DIP2C: variants seen among roughly 807,000 people sequenced by gnomAD.
DIP2C encodes disco-interacting protein 2 homolog C.
A neutral mutation model predicts 192.4 loss-of-function variants in DIP2C; 33 were observed. The observed-to-expected ratio is 0.17, with a 90% CI of 0.13 to 0.23. The LOEUF (loss-of-function observed/expected upper bound fraction) is 0.23, where lower values mean the gene tolerates loss of function less well. Ranked by LOEUF, DIP2C falls within the 10% of genes least tolerant of loss-of-function variation. The pLI is 1.00. For missense variants in DIP2C, 1,537 were observed against 2,110.1 expected, an observed-to-expected ratio of 0.73 and a Z score of 5.32; for synonymous variants, 979 against 864.1, an observed-to-expected ratio of 1.13 and a Z score of -2.33.
Position 477,831 on chromosome 10 carries a change from G to A in DIP2C, c.158-5282C>T, listed in dbSNP as rs1294103971. 1.0e-4 allele frequency among the ~76,000 whole-genome samples: 14 copies of A among 134,416 alleles called. No individual in the cohort carries two copies. The East Asian group carries it at 2.1e-3, about 20-fold the overall frequency. 88.2% of individuals were successfully genotyped at this position (134,416 alleles called of 152,430 possible). A position where few individuals can be genotyped will look rare whatever the true frequency, so the allele number is the denominator to read the frequency against. ...AGAGAAGGAAAACAAGAGAGAAGGA[G>A]AAGGGAGAAAGAAAAAAGGAGAAGT... is the stretch of plus-strand genomic sequence containing the variant. On this transcript the variant is annotated intron_variant, in intron 2 of 36. Transcript: ENST00000280886.
intron 32 of DIP2C, among the ~76,000 whole-genome samples, chr10:297,043 A>T (rs1257259141): frequency 1.3e-5 from 2 of 151,976 alleles, no homozygotes; most frequent in African/African-American, 2.4e-5. Context: ...ATAATAATAA[A>T]AAAAAAATTA....
At chr10:582,001 A>C (rs1213295440) in intron 1 of DIP2C, among the ~76,000 whole-genome samples, 1 of 152,046 alleles carries the variant, frequency 6.6e-6, no homozygotes, top group African/African-American at 2.4e-5. Context: ...AGCACCTCCG[A>C]GATCCCTCAC....
chr10:450,842 A>G (rs1286849439), intron 3 of DIP2C, among the ~76,000 whole-genome samples: 1 of 152,226 alleles, frequency 6.6e-6, no homozygotes, highest in Non-Finnish European at 1.5e-5. Context: ...TCTTGTTTCA[A>G]CTGAGGCAAC....
chr10:503,133 C>G (rs146386437), intron 1 of DIP2C, among the ~76,000 whole-genome samples: 1 of 152,080 alleles, frequency 6.6e-6, no homozygotes, highest in African/African-American at 2.4e-5. Context: ...GGACACTGAC[C>G]TGCGGACTTA....
intron 22 of DIP2C, among the ~76,000 whole-genome samples, chr10:362,208 CAGG>C (rs1488287296): frequency 6.6e-6 from 1 of 152,196 alleles, no homozygotes; most frequent in Non-Finnish European, 1.5e-5. Flanking sequence ...CCGTGTCCTT[CAGG>C]AGAATGAGCT....
chr10:275,975 G>T lies in DIP2C; in HGVS notation c.*1350C>A. The stretch of plus-strand genomic sequence containing the variant: ...TTAAGACGAGGGGACGATCACCGAT[G>T]TGAGTTCCGGACACTTTGTCCACTC... On this transcript the variant is annotated 3_prime_UTR_variant, in exon 37 of 37. Transcript: ENST00000280886. The T allele has an allele frequency of 6.6e-6, 1 of 152,386 alleles. No individual in the cohort carries two copies. 9.4% of individuals were successfully genotyped at this position (152,386 alleles called of 1,614,324 possible). A position where few individuals can be genotyped will look rare whatever the true frequency, so the allele number is the denominator to read the frequency against.
intron 1 of DIP2C, among the ~76,000 whole-genome samples, chr10:497,440 T>C (rs546830872): frequency 7.9e-5 from 12 of 152,328 alleles, no homozygotes; most frequent in Middle Eastern, 3.4e-3. Flanking sequence ...CTGTGTCGGC[T>C]GCTTCTCTGT....
intron 31 of DIP2C, among the ~76,000 whole-genome samples, chr10:325,270 C>T (rs1230214780): frequency 6.7e-6 from 1 of 149,158 alleles, no homozygotes; most frequent in Non-Finnish European, 1.5e-5. Context: ...ATCTCAAAAA[C>T]AAACAAACAA....
Position 361,331 on chromosome 10 carries a change from G to A in DIP2C, c.2794+1159C>T, listed in dbSNP as rs1297753861. 2.0e-5 allele frequency among the ~76,000 whole-genome samples: 3 copies of A among 152,188 alleles called. No individual in the cohort carries two copies. The East Asian group carries it at 5.8e-4, about 29-fold the overall frequency. On this transcript the variant is annotated intron_variant, in intron 22 of 36. Coordinates refer to ENST00000280886, the MANE Select transcript of DIP2C (RefSeq NM_014974.3). ...AGGAGGTCACACTCCTGACCGCAGT[G>A]TGAGGTTGCTGGCTCTGTCTCCCCA...
At chr10:353,177 G>A (rs1830145732) in intron 24 of DIP2C, among the ~76,000 whole-genome samples, 1 of 1,942 alleles carries the variant, frequency 5.1e-4, no homozygotes, top group Non-Finnish European at 0.033. Flanking sequence ...GGGGCACACA[G>A]GGAAACACAA....
Position 310,059 on chromosome 10 carries a change from C to T in DIP2C, c.3958G>A (p.Val1320Met), listed in dbSNP as rs759695360. The T allele has an allele frequency of 1.6e-5, 26 of 1,614,000 alleles. No homozygotes were observed. The highest frequency in any genetic ancestry group is 2.0e-5 in the Non-Finnish European group (24 of 1,180,026). Residue 1320 changes from valine to methionine, a missense_variant, in exon 32 of 37, where the codon GTG becomes ATG. Val to Met is a conservative substitution (Grantham distance 21). Coordinates refer to ENST00000280886, the MANE Select transcript of DIP2C (RefSeq NM_014974.3). ...TCGTGTCTCAGGGCTCTCATGTCCACGTAGACAGTGGTTGGGTCAGGTCCT... is the reference window on the plus strand; with the variant it reads ...TCGTGTCTCAGGGCTCTCATGTCCATGTAGACAGTGGTTGGGTCAGGTCCT... ...TSGPDPTTVY[V>M]DMRALRHDRV...
intron 3 of DIP2C, among the ~76,000 whole-genome samples, chr10:456,863 CAAG>C (rs747627875): frequency 5.9e-5 from 9 of 152,154 alleles, no homozygotes; most frequent in South Asian, 2.1e-4. Context: ...AGAGTGAAGG[CAAG>C]AAGATTTTAT....
rs374266636 is a variant in DIP2C, at chr10:367,275, G to C, written c.2132-864C>G. ...TACTAAAAATACAAAAAAGTAGCCG[G>C]GCGCAGTGGCGGGCGCCTGTAGTCC... is the stretch of plus-strand genomic sequence containing the variant. On this transcript the variant is annotated intron_variant, in intron 18 of 36. Transcript: ENST00000280886. Among the ~76,000 whole-genome samples the C allele has an allele frequency of 4.9e-3, 750 of 152,230 alleles. 12 individuals are homozygous for C. The East Asian group carries it at 0.065, about 13-fold the overall frequency.
intron 1 of DIP2C, among the ~76,000 whole-genome samples, chr10:538,252 G>A (rs1847799090): frequency 6.6e-6 from 1 of 152,180 alleles, no homozygotes; most frequent in Non-Finnish European, 1.5e-5. Context: ...AAAACTCTGG[G>A]CTTCAGAGAT....
intron 1 of DIP2C, among the ~76,000 whole-genome samples, chr10:510,453 T>C (rs1253619208): frequency 6.6e-6 from 1 of 152,146 alleles, no homozygotes; most frequent in South Asian, 2.1e-4. Context: ...TGCACTGCCG[T>C]ATGTGGACCA....
intron 32 of DIP2C, among the ~76,000 whole-genome samples, chr10:307,448 G>A (rs75858774): frequency 1.3e-4 from 20 of 152,312 alleles, no homozygotes; most frequent in African/African-American, 4.8e-4. Context: ...TAAGGAAGGA[G>A]AGGGCTTTGG....
intron 1 of DIP2C, among the ~76,000 whole-genome samples, chr10:490,549 C>CT (rs1288650172): frequency 6.6e-6 from 1 of 152,240 alleles, no homozygotes. Flanking sequence ...AAGGCACACC[C>CT]TCAAGGCTGC....
At chr10:680,042 A>C (rs930535564) in intron 1 of DIP2C, among the ~76,000 whole-genome samples, 2 of 152,102 alleles carry the variant, frequency 1.3e-5, no homozygotes, top group Admixed American at 6.5e-5. Context: ...TGAGGTGGGG[A>C]GGGATGGGCT....
intron 1 of DIP2C, among the ~76,000 whole-genome samples, chr10:508,214 T>C (rs977066774): frequency 6.6e-6 from 1 of 152,042 alleles, no homozygotes; most frequent in Non-Finnish European, 1.5e-5. Context: ...GAAAATCTCT[T>C]CTGAAAATAT....
Sources: gnomAD v4.1 joint callset for allele counts (sites outside exome capture counted in the v4.1 genomes callset) on GRCh38, gnomAD v4.1.1 for gene constraint, MANE v1.5 for transcripts, NCBI Gene and HGNC (gene_info 2026-07-23, HGNC 2026-07-21) for gene names.